Variants in LARS2 observed in about 807,000 individuals in gnomAD.
LARS2 encodes leucyl-tRNA synthetase 2, mitochondrial, also known as leucine--tRNA ligase, mitochondrial.
Under a neutral mutation model 116.6 loss-of-function variants are expected in LARS2, and 81 were observed. The observed-to-expected ratio is 0.69, with a 90% CI of 0.58 to 0.84. The LOEUF is 0.84. LARS2 is among the 40% of genes least tolerant of loss of function. The probability of loss-of-function intolerance (pLI) is 0.00; values close to 1 mark genes in which losing one functional copy is unlikely to be tolerated. For synonymous variants in LARS2, 396 were observed against 407.2 expected, an observed-to-expected ratio of 0.97 and a Z score of 0.33; for missense variants, 968 against 1,114.5, an observed-to-expected ratio of 0.87 and a Z score of 1.87.
chr3:45,425,901 TTTTTTC>T (rs1208935831), intron 6 of LARS2, among the ~76,000 whole-genome samples: 33 of 136,540 alleles, frequency 2.4e-4, no homozygotes, highest in East Asian at 2.2e-3. Context: ...AAGCCTTTTT[TTTTTTC>T]TTTTCTTTTC....
intron 3 of LARS2, among the ~76,000 whole-genome samples, chr3:45,399,307 A>G (rs1698102869): frequency 6.6e-6 from 1 of 152,222 alleles, no homozygotes; most frequent in African/African-American, 2.4e-5. Flanking sequence ...GCAGCTATAG[A>G]GAATTTAGGA....
chr3:45,440,692 C>A (rs1054521647), intron 6 of LARS2, among the ~76,000 whole-genome samples: 12 of 152,062 alleles, frequency 7.9e-5, no homozygotes, highest in African/African-American at 2.7e-4. Flanking sequence ...CTAGGGCCAT[C>A]ACTGTCAAAG....
chr3:45,469,098 G>A (rs565938823), intron 8 of LARS2, among the ~76,000 whole-genome samples: 48 of 152,248 alleles, frequency 3.2e-4, no homozygotes, highest in African/African-American at 9.1e-4. Context: ...GCCTTGCTCC[G>A]AATGGATTAT....
chr3:45,442,284 C>T (rs559631705), intron 6 of LARS2, among the ~76,000 whole-genome samples: 3 of 152,212 alleles, frequency 2.0e-5, no homozygotes, highest in Non-Finnish European at 2.9e-5. Flanking sequence ...CCCACAGACA[C>T]AGGGTTCCCC....
At chr3:45,395,178 A>T (rs2125672456) in intron 3 of LARS2, among the ~76,000 whole-genome samples, 1 of 152,340 alleles carries the variant, frequency 6.6e-6, no homozygotes, top group South Asian at 2.1e-4. Flanking sequence ...TCTGAGAAGT[A>T]ACTGCCCCTT....
intron 6 of LARS2, among the ~76,000 whole-genome samples, chr3:45,432,203 G>A (rs995075969): frequency 6.6e-6 from 1 of 152,160 alleles, no homozygotes; most frequent in Non-Finnish European, 1.5e-5. Context: ...CAGTTCCACA[G>A]TAATAGTTGG....
chr3:45,510,520 C>A (rs1381152691), intron 15 of LARS2, among the ~76,000 whole-genome samples: 1 of 149,732 alleles, frequency 6.7e-6, no homozygotes, highest in Non-Finnish European at 1.5e-5. Context: ...AGGCACTACA[C>A]AGGATGCATC....
Position 45,441,370 on chromosome 3 carries a change from C to T in LARS2, c.517-5521C>T, listed in dbSNP as rs182010566. Among the ~76,000 whole-genome samples the T allele has an allele frequency of 1.8e-3, 281 of 152,336 alleles. 2 individuals are homozygous for T. Among genetic ancestry groups the T allele is most frequent in the African/African-American group, 5.7e-3 (235 of 41,560 alleles). On this transcript the variant is annotated intron_variant, in intron 6 of 21. Coordinates refer to ENST00000645846, the MANE Select transcript of LARS2 (RefSeq NM_015340.4). ...CAAGGGGTGTACTTGTTGATTTTTCCTGCAAGCCCAGCCGTATGCTTTGCA... is the reference window on the plus strand; with the variant it reads ...CAAGGGGTGTACTTGTTGATTTTTCTTGCAAGCCCAGCCGTATGCTTTGCA...
intron 14 of LARS2, among the ~76,000 whole-genome samples, chr3:45,499,863 G>T (rs564815079): frequency 6.6e-6 from 1 of 152,060 alleles, no homozygotes; most frequent in South Asian, 2.1e-4. Flanking sequence ...TATGCAAATT[G>T]CTTTTGTTGA....
Position 45,512,781 on chromosome 3 carries a change from G to T in LARS2, c.1761-354G>T, listed in dbSNP as rs368363213. On this transcript the variant is annotated intron_variant, in intron 15 of 21. Coordinates refer to ENST00000645846, the MANE Select transcript of LARS2 (RefSeq NM_015340.4). ...TTAATAAGAACTGCCTCCTGAAAGG[G>T]ACATAGGCCTAGAAAGGAGTGGTAG... is the stretch of plus-strand genomic sequence containing the variant. 9.8e-4 allele frequency among the ~76,000 whole-genome samples: 149 copies of T among 152,318 alleles called. 5 individuals carry two copies. The South Asian group carries it at 0.03, about 31-fold the overall frequency.
Position 45,513,158 on chromosome 3 carries a change from C to A in LARS2, c.1784C>A (p.Ala595Asp), listed in dbSNP as rs772859137. 5.0e-6 allele frequency: 8 copies of A among 1,613,106 alleles called. No homozygotes were observed. Among genetic ancestry groups the A allele is most frequent in the Non-Finnish European group, 6.8e-6 (8 of 1,179,180 alleles). The change falls in exon 16 of 22, where the codon GCC becomes GAC. Residue 595 changes from alanine (A) to aspartate (D), a missense_variant. By Grantham distance (126) the Ala-to-Asp change is moderately radical. Coordinates refer to ENST00000645846, the MANE Select transcript of LARS2 (RefSeq NM_015340.4). Reference protein sequence around the residue: ...KHREPFHKLLAQGLIKGQTFR... With the variant: ...KHREPFHKLLDQGLIKGQTFR... ...AGGGAGCCTTTTCATAAGCTGCTGGCCCAAGGCCTTATCAAGGGGCAGACA... is the reference window on the plus strand; with the variant it reads ...AGGGAGCCTTTTCATAAGCTGCTGGACCAAGGCCTTATCAAGGGGCAGACA...
intron 5 of LARS2, among the ~76,000 whole-genome samples, chr3:45,419,364 G>T (rs1407326881): frequency 1.3e-5 from 2 of 152,222 alleles, no homozygotes; most frequent in Admixed American, 6.5e-5. Context: ...GTCTGGACGG[G>T]CCAGCAGTGC....
At chr3:45,400,099 A>G (rs1223670944) in intron 3 of LARS2, 146 bp from the exon 4 acceptor site, 7 of 766,718 alleles carry the variant, frequency 9.1e-6, no homozygotes, top group Middle Eastern at 3.4e-4. Flanking sequence ...TGACATTTTA[A>G]TTGATTTACA....
At chr3:45,523,099 G>GC (rs1386693018) in intron 19 of LARS2, among the ~76,000 whole-genome samples, 2 of 152,010 alleles carry the variant, frequency 1.3e-5, no homozygotes, top group Non-Finnish European at 2.9e-5. Context: ...GTGTGTGTTA[G>GC]TTTTTTAATC....
chr3:45,454,975 C>T lies in LARS2; in HGVS notation c.607-3768C>T, dbSNP rs115984518. ...TTTGGAAAGTCTGAGCCTGAATCTGCAACTCTGTGGCTGAGGTGGATTGGA... is the reference window on the plus strand; with the variant it reads ...TTTGGAAAGTCTGAGCCTGAATCTGTAACTCTGTGGCTGAGGTGGATTGGA... On this transcript the variant is annotated intron_variant, in intron 7 of 21. Coordinates refer to ENST00000645846, the MANE Select transcript of LARS2 (RefSeq NM_015340.4). Among the ~76,000 whole-genome samples, 1,377 of 152,288 alleles carry T rather than the reference C, an allele frequency of 9.0e-3. 19 individuals are homozygous for T. The highest frequency in any genetic ancestry group is 0.024 in the African/African-American group (997 of 41,550).
chr3:45,532,937 C>T (rs1700639250), intron 20 of LARS2, among the ~76,000 whole-genome samples: 2 of 152,026 alleles, frequency 1.3e-5, no homozygotes, highest in Admixed American at 1.3e-4. Context: ...CCACAGCGCC[C>T]GGCCACCTCT....
chr3:45,400,072 C>G (rs1178856287), intron 3 of LARS2, among the ~76,000 whole-genome samples, 173 bp from the exon 4 acceptor site: 3 of 152,026 alleles, frequency 2.0e-5, no homozygotes, highest in Non-Finnish European at 4.4e-5. Flanking sequence ...TAAACCAGGG[C>G]TTTGAATTTT....
At chr3:45,499,017 G>A (rs577504219) in intron 14 of LARS2, among the ~76,000 whole-genome samples, 38 of 152,188 alleles carry the variant, frequency 2.5e-4, no homozygotes, top group African/African-American at 8.4e-4. Flanking sequence ...TTACAGCTGG[G>A]GCACAGTGGC....
intron 4 of LARS2, among the ~76,000 whole-genome samples, chr3:45,409,725 G>A (rs1698297175): frequency 6.6e-6 from 1 of 152,130 alleles, no homozygotes; most frequent in Non-Finnish European, 1.5e-5. Flanking sequence ...TGGAAATTTG[G>A]CTCACAGAGA....
Sources: allele counts gnomAD v4.1 joint callset (sites outside exome capture counted in the v4.1 genomes callset), GRCh38; gene constraint gnomAD v4.1.1; transcripts MANE v1.5; gene names NCBI Gene and HGNC (gene_info 2026-07-23, HGNC 2026-07-21).